Variants in SPIC observed in about 807,000 individuals in gnomAD.
SPIC encodes the protein transcription factor Spi-C.
A neutral mutation model predicts 16.7 loss-of-function variants in SPIC; 9 were observed. That is an observed-to-expected ratio of 0.54 (90% CI 0.33 to 0.94). The LOEUF is 0.94. Ranked by LOEUF, SPIC falls within the 40% of genes least tolerant of loss-of-function variation. The pLI is 0.03. For missense variants in SPIC, 241 were observed against 285.8 expected, an observed-to-expected ratio of 0.84 and a Z score of 1.13; for synonymous variants, 97 against 102.9, an observed-to-expected ratio of 0.94 and a Z score of 0.35.
chr12:101,478,020 TTTTTTCTTTTTTC>T (rs1565830606), intron 3 of SPIC, among the ~76,000 whole-genome samples: 2 of 150,850 alleles, frequency 1.3e-5, no homozygotes. Flanking sequence ...CTTTTTTTTC[TTTTTTCTTTTTTC>T]TTTTTTTTTT....
chr12:101,477,533 C>T, intron 2 of SPIC, 25 bp from the exon 3 acceptor site: 1 of 1,606,412 alleles, frequency 6.2e-7, no homozygotes, highest in South Asian at 1.1e-5. Context: ...TCGAAAACTC[C>T]AGAATTCTAT....
intron 5 of SPIC, 87 bp from the exon 6 acceptor site, chr12:101,486,257 A>G: frequency 1.5e-6 from 2 of 1,309,024 alleles, no homozygotes; most frequent in Middle Eastern, 1.9e-4. Context: ...GCAGCTTTTA[A>G]TTCAGTAGTT....
rs1049451356 is a variant in SPIC at position 101,484,358 on chromosome 12, G to A, written c.319+1458G>A. 2.6e-5 allele frequency among the ~76,000 whole-genome samples: 4 copies of A among 151,408 alleles called. No individual in the cohort carries two copies. The East Asian group carries it at 5.9e-4, about 22-fold the overall frequency. On this transcript the variant is annotated intron_variant, in intron 5 of 5. Transcript: ENST00000551346. ...AGACGAACCTGGCCAACATGGTGAA[G>A]CTCCGTCTCTACAAAAAATAAAAAA... is the stretch of plus-strand genomic sequence containing the variant.
At position 101,479,614 on chromosome 12, in the gene SPIC, C is replaced by G; in HGVS notation, c.130C>G (p.Arg44Gly). The stretch of plus-strand genomic sequence containing the variant: ...AAATTACCTGGCTTTAATCAACCAT[C>G]GTCCTCATGTCAAAGGAAATTCCAG... The part of the protein sequence containing the change: ...YRNYLALINH[R>G]PHVKGNSSCY... Residue 44 changes from arginine to glycine, a missense_variant, in exon 4 of 6, where the codon CGT becomes GGT. Physicochemically the swap from Arg to Gly is moderately radical, Grantham distance 125. Transcript: ENST00000551346. 6.2e-7 allele frequency: 1 copy of G among 1,613,396 alleles called. No individual in the cohort carries two copies. Among genetic ancestry groups the G allele is most frequent in the Non-Finnish European group, 8.5e-7 (1 of 1,179,574 alleles).
intron 4 of SPIC, among the ~76,000 whole-genome samples, chr12:101,481,105 A>C (rs1230769630): frequency 1.3e-5 from 2 of 152,146 alleles, no homozygotes; most frequent in Non-Finnish European, 2.9e-5. Context: ...TTGGAAACCC[A>C]CATATTCTTC....
At chr12:101,481,842 G>A (rs1156436278) in intron 4 of SPIC, among the ~76,000 whole-genome samples, 17 of 149,080 alleles carry the variant, frequency 1.1e-4, no homozygotes, top group South Asian at 4.3e-4. Context: ...TAGTAGAGAC[G>A]GGGTTTCACC....
chr12:101,478,190 C>A (rs554616997), intron 3 of SPIC, among the ~76,000 whole-genome samples: 2 of 151,658 alleles, frequency 1.3e-5, no homozygotes, highest in South Asian at 4.2e-4. Flanking sequence ...CGCCACCATG[C>A]CCATCTAATT....
chr12:101,485,836 T>G (rs1204069458), intron 5 of SPIC, among the ~76,000 whole-genome samples: 1 of 152,192 alleles, frequency 6.6e-6, no homozygotes, highest in Non-Finnish European at 1.5e-5. Context: ...CAGGCTGGAG[T>G]GCAGTGGCGC....
chr12:101,476,938 C>T (rs1872974756), intron 2 of SPIC, 31 bp downstream of exon 2: 8 of 1,433,438 alleles, frequency 5.6e-6, no homozygotes, highest in Non-Finnish European at 7.4e-6. Flanking sequence ...TTTCTTTACT[C>T]TGTCCACAGA....
intron 3 of SPIC, among the ~76,000 whole-genome samples, chr12:101,479,266 G>GAAAGAAAGAAAGAA (rs1565831246): frequency 0.01 from 650 of 62,400 alleles, 25 homozygotes; most frequent in Middle Eastern, 0.017. Flanking sequence ...AGGAAGGAAA[G>GAAAGAAAGAAAGAA]AAAGAAAGAA....
At position 101,477,648 on chromosome 12, in the gene SPIC, C is replaced by A. The variant is rs1049641515; in HGVS notation, c.94C>A (p.Pro32Thr). Residue 32 changes from proline (P) to threonine (T), a missense_variant, in exon 3 of 6, where the codon CCA becomes ACA. Pro to Thr is a conservative substitution (Grantham distance 38). Coordinates refer to ENST00000551346, the MANE Select transcript of SPIC (RefSeq NM_152323.3). Reference sequence around the variant, plus strand: ...TTCAACTGGAGATCTTCAGTACTCGCCAGGTAAAGATGAGTCATTTACCCT... The same window carrying A: ...TTCAACTGGAGATCTTCAGTACTCGACAGGTAAAGATGAGTCATTTACCCT... Reference protein sequence around the residue: ...QHSTGDLQYSPDYRNYLALIN... With the variant: ...QHSTGDLQYSTDYRNYLALIN... 6.2e-7 allele frequency: 1 copy of A among 1,611,968 alleles called. No individual in the cohort carries two copies. Among genetic ancestry groups the A allele is most frequent in the Non-Finnish European group, 8.5e-7 (1 of 1,179,406 alleles).
In SPIC at chr12:101,479,221, AAGG is replaced by A. The variant is rs1565831130; in HGVS notation, c.98-359_98-357del. On this transcript the variant is annotated intron_variant, in intron 3 of 5. Coordinates refer to ENST00000551346, the MANE Select transcript of SPIC (RefSeq NM_152323.3). ...GAAAGAAAGAAAGAAAGAAAGAAAGAAGGAAAGAAAGAAAGAAAGAAAAAGAAA... is the reference window on the plus strand; with the variant it reads ...GAAAGAAAGAAAGAAAGAAAGAAAGAAAAGAAAGAAAGAAAGAAAAAGAAA... Among the ~76,000 whole-genome samples, 124 of 100,060 alleles carry A rather than the reference AAGG, an allele frequency of 1.2e-3. 3 individuals carry two copies. The highest frequency in any genetic ancestry group is 2.0e-3 in the Non-Finnish European group (92 of 46,656). 65.6% of individuals were successfully genotyped at this position (100,060 alleles called of 152,430 possible).
chr12:101,484,430 G>A lies in SPIC; in HGVS notation c.319+1530G>A, dbSNP rs536101326. Among the ~76,000 whole-genome samples the A allele has an allele frequency of 2.5e-4, 38 of 152,162 alleles. No individual in the cohort carries two copies. The East Asian group carries it at 6.4e-3, about 26-fold the overall frequency. The stretch of plus-strand genomic sequence containing the variant: ...GGGTGCCTGTAATCCCAGCTACTGG[G>A]GAGGCTGAGGTGGGAGGATCACTTG... On this transcript the variant is annotated intron_variant, in intron 5 of 5. Coordinates refer to ENST00000551346, the MANE Select transcript of SPIC (RefSeq NM_152323.3).
Position 101,479,307 on chromosome 12 carries a change from A to AGAAAGAAAGAAAGAAAG in SPIC, c.98-275_98-274insGAAAGAAAGAAAGAAAG, listed in dbSNP as rs1555209046. Among the ~76,000 whole-genome samples the AGAAAGAAAGAAAGAAAG allele has an allele frequency of 7.4e-3, 648 of 88,152 alleles. 65 individuals carry two copies. The highest frequency in any genetic ancestry group is 9.9e-3 in the Non-Finnish European group (465 of 46,910). The allele number at this position is 88,152 out of a possible 152,430, so 57.8% of individuals were successfully genotyped here. A position where few individuals can be genotyped will look rare whatever the true frequency, so the allele number is the denominator to read the frequency against. Reference sequence around the variant, plus strand: ...GAAAAAGAAAGAAAGAAAGAAAGAAAAAAGAAAGAAAGAAAGAAAGAAAGA... The same window carrying AGAAAGAAAGAAAGAAAG: ...GAAAAAGAAAGAAAGAAAGAAAGAAAGAAAGAAAGAAAGAAAGAAAGAAAGAAAGAAAGAAAGAAAGA... On this transcript the variant is annotated intron_variant, in intron 3 of 5. Coordinates refer to ENST00000551346, the MANE Select transcript of SPIC (RefSeq NM_152323.3).
chr12:101,485,763 A>C (rs1245608171), intron 5 of SPIC, among the ~76,000 whole-genome samples: 1 of 152,070 alleles, frequency 6.6e-6, no homozygotes, highest in Non-Finnish European at 1.5e-5. Flanking sequence ...CATTTTGCTC[A>C]ATGTTGTTCT....
intron 5 of SPIC, among the ~76,000 whole-genome samples, chr12:101,484,598 G>A (rs1873308773): frequency 6.6e-6 from 1 of 150,920 alleles, no homozygotes; most frequent in African/African-American, 2.4e-5. Context: ...ATAGTTGAGG[G>A]AGTCTCTCCG....
chr12:101,475,752 A>G (rs1872939201), intron 1 of SPIC, among the ~76,000 whole-genome samples: 1 of 152,214 alleles, frequency 6.6e-6, no homozygotes, highest in African/African-American at 2.4e-5. Context: ...AAAATACAAC[A>G]TTCAGTGCTT....
At chr12:101,483,281 C>T (rs1316000254) in intron 5 of SPIC, among the ~76,000 whole-genome samples, 1 of 151,958 alleles carries the variant, frequency 6.6e-6, no homozygotes, top group Non-Finnish European at 1.5e-5. Flanking sequence ...CACAAACACA[C>T]ACATTAGCCT....
At chr12:101,479,780 T>C (rs552285621) in intron 4 of SPIC, 86 bp downstream of exon 4, 64 of 989,938 alleles carry the variant, frequency 6.5e-5, no homozygotes, top group Non-Finnish European at 8.9e-5. Context: ...GAAACCCAGC[T>C]TAAAGACAGC....
Sources: gnomAD v4.1 joint callset for allele counts (sites outside exome capture counted in the v4.1 genomes callset) on GRCh38, gnomAD v4.1.1 for gene constraint, MANE v1.5 for transcripts, NCBI Gene and HGNC (gene_info 2026-07-23, HGNC 2026-07-21) for gene names.